Variants in ZNF587B observed in about 807,000 individuals in gnomAD.
The protein encoded by ZNF587B is zinc finger protein 587B.
Under a neutral mutation model 7.2 loss-of-function variants are expected in ZNF587B, and 6 were observed. The ratio of observed to expected loss-of-function variants is 0.83; its 90% CI spans 0.46 to 1.65. ZNF587B has a LOEUF of 1.65. Among genes scored for constraint, ZNF587B ranks in the 40% most tolerant of loss-of-function variants. The pLI is 0.01. For synonymous variants in ZNF587B, 274 were observed against 254.3 expected (o/e 1.08, Z -0.74); for missense variants, 749 against 761.0 (o/e 0.98, Z 0.19).
intron 1 of ZNF587B, among the ~76,000 whole-genome samples, chr19:57,836,157 G>A (rs1162483982): frequency 9.4e-4 from 142 of 150,266 alleles, no homozygotes; most frequent in African/African-American, 3.3e-3. Flanking sequence ...AGAAGTAATT[G>A]AGGGAAAGGT....
rs1301225955 is a variant in ZNF587B, at chr19:57,843,718, C to T, written c.*1142C>T. Reference sequence around the variant, plus strand: ...CTGAGTTCAAGCAATTCTCCTTTCTCAGCCTCCTGAGTAGCTGGGATTACA... The same window carrying T: ...CTGAGTTCAAGCAATTCTCCTTTCTTAGCCTCCTGAGTAGCTGGGATTACA... On this transcript the variant is annotated 3_prime_UTR_variant, in exon 3 of 3. Coordinates refer to ENST00000594901, the MANE Select transcript of ZNF587B (RefSeq NM_001376223.1). 4 of 380,046 alleles carry T rather than the reference C, an allele frequency of 1.1e-5. No individual in the cohort carries two copies. In the South Asian group the frequency reaches 3.3e-4, roughly 31 times the overall value. 23.5% of individuals were successfully genotyped at this position (380,046 alleles called of 1,614,324 possible). A position where few individuals can be genotyped will look rare whatever the true frequency, so the allele number is the denominator to read the frequency against.
intron 1 of ZNF587B, among the ~76,000 whole-genome samples, chr19:57,836,663 T>A (rs1478980693): frequency 2.0e-5 from 3 of 152,066 alleles, no homozygotes; most frequent in Non-Finnish European, 2.9e-5. Context: ...GCCACTTCAC[T>A]CTCTTAAGTA....
intron 1 of ZNF587B, 46 bp downstream of exon 1, chr19:57,830,610 C>T (rs56386189): frequency 3.2e-6 from 5 of 1,544,366 alleles, no homozygotes; most frequent in Non-Finnish European, 4.4e-6. Flanking sequence ...CATCATCACC[C>T]AAAAGCCTGT....
At position 57,842,491 on chromosome 19, in the gene ZNF587B, A is replaced by T; in HGVS notation, c.1817A>T (p.Tyr606Phe). Residue 606 changes from tyrosine to phenylalanine, a missense_variant, in exon 3 of 3, where the codon TAT (tyrosine) becomes TTT (phenylalanine). Coordinates refer to ENST00000594901, the MANE Select transcript of ZNF587B (RefSeq NM_001376223.1). ...AGAGTTCACACTGGAGAAAAGCCTT[A>T]TGGGTGTAGTGAATGTGAAAAAAAA... The part of the protein sequence containing the change: ...HRRVHTGEKP[Y>F]GCSECEKKFR... The T allele has an allele frequency of 6.3e-7, 1 of 1,584,776 alleles. No homozygotes were observed. Among genetic ancestry groups the T allele is most frequent in the African/African-American group, 1.4e-5 (1 of 73,548 alleles).
At position 57,841,642 on chromosome 19, in the gene ZNF587B, A is replaced by G. The variant is rs534406760; in HGVS notation, c.968A>G (p.Lys323Arg). 32 of 1,600,398 alleles carry G rather than the reference A, an allele frequency of 2.0e-5. No homozygotes were observed. The highest frequency in any genetic ancestry group is 2.6e-5 in the Non-Finnish European group (30 of 1,173,442). The change falls in exon 3 of 3, where the codon AAA becomes AGA. Residue 323 changes from lysine to arginine, a missense_variant. Physicochemically the swap from Lys to Arg is conservative, Grantham distance 26. Around this residue, in one of 3 missense-constraint regions of ZNF587B, gnomAD observed 656 missense variants for 596.5 expected, o/e 1.10. Transcript: ENST00000594901. ...CGCCATCAAAAAGTTCACGCTGGAA[A>G]AGGGCCTTATGAGTGTGGAGAATGT... ...LRRHQKVHAG[K>R]GPYECGECGK...
rs1989037396 is a variant in ZNF587B at position 57,845,883 on chromosome 19, G to C, written c.*3307G>C. On this transcript the variant is annotated 3_prime_UTR_variant, in exon 3 of 3. Transcript: ENST00000594901. ...TTAGTCTTAGTGATGTGGGAGGATT[G>C]CTTGAGCCTGGGAGGCAGAAGTTGC... 6.6e-6 allele frequency: 1 copy of C among 152,156 alleles called. No homozygotes were observed. The highest frequency in any genetic ancestry group is 1.5e-5 in the Non-Finnish European group (1 of 68,038). The allele number at this position is 152,156 out of a possible 1,614,324, so 9.4% of individuals were successfully genotyped here. A position where few individuals can be genotyped will look rare whatever the true frequency, so the allele number is the denominator to read the frequency against.
intron 1 of ZNF587B, among the ~76,000 whole-genome samples, chr19:57,837,509 T>C (rs1369642505): frequency 1.3e-5 from 2 of 150,506 alleles, no homozygotes; most frequent in African/African-American, 2.4e-5. Flanking sequence ...AGTGCAGTGG[T>C]GCTATTTCGG....
rs771371494 is a variant in ZNF587B at position 57,843,600 on chromosome 19, G to GTTTTTTTT, written c.*1037_*1044dup. ...GTTGGTTGGTTGGTTGTTTTTTTTT[G>GTTTTTTTT]TTTTTTTTTTTTTTTTTTTTGGAGA... On this transcript the variant is annotated 3_prime_UTR_variant, in exon 3 of 3. Transcript: ENST00000594901. 35 of 648,784 alleles carry GTTTTTTTT rather than the reference G, an allele frequency of 5.4e-5. No individual in the cohort carries two copies. Among genetic ancestry groups the GTTTTTTTT allele is most frequent in the African/African-American group, 3.9e-4 (10 of 25,462 alleles). The allele number at this position is 648,784 out of a possible 1,614,324, so 40.2% of individuals were successfully genotyped here.
chr19:57,841,220 G>C lies in ZNF587B; in HGVS notation c.546G>C (p.Arg182Ser), dbSNP rs1988827928. The change falls in exon 3 of 3, where the codon AGG becomes AGC. Residue 182 changes from arginine to serine, a missense_variant. Arg to Ser is a moderately radical substitution (Grantham distance 110). Around this residue, in one of 3 missense-constraint regions of ZNF587B, gnomAD observed 656 missense variants for 596.5 expected, o/e 1.10. Coordinates refer to ENST00000594901, the MANE Select transcript of ZNF587B (RefSeq NM_001376223.1). ...AGAGTGGGAAGGACTTTTTGCCCAG[G>C]TCAGGATTACTCCAGCAGGAGGCCA... ...FSESGKDFLPRSGLLQQEASH... is the reference protein window; with the variant it reads ...FSESGKDFLPSSGLLQQEASH... 3.1e-6 allele frequency: 5 copies of C among 1,614,174 alleles called. No homozygotes were observed. Among genetic ancestry groups the C allele is most frequent in the Non-Finnish European group, 4.2e-6 (5 of 1,180,030 alleles).
chr19:57,843,587 G>GTTTTTTTTT lies in ZNF587B; in HGVS notation c.*1013_*1014insTTTTTTTTT, dbSNP rs1324065807. On this transcript the variant is annotated 3_prime_UTR_variant, in exon 3 of 3. Transcript: ENST00000594901. ...GTTTGGTTGGTTGGTTGGTTGGTTG[G>GTTTTTTTTT]TTGTTTTTTTTTGTTTTTTTTTTTT... The GTTTTTTTTT allele has an allele frequency of 9.1e-4, 688 of 759,118 alleles. 57 individuals carry two copies. The highest frequency in any genetic ancestry group is 4.2e-3 in the East Asian group (27 of 6,394). The allele number at this position is 759,118 out of a possible 1,614,324, so 47.0% of individuals were successfully genotyped here.
Position 57,843,407 on chromosome 19 carries a change from C to G in ZNF587B, c.*831C>G, listed in dbSNP as rs1220047206. On this transcript the variant is annotated 3_prime_UTR_variant, in exon 3 of 3. Coordinates refer to ENST00000594901, the MANE Select transcript of ZNF587B (RefSeq NM_001376223.1). ...TATATTTTTTACTATGCCCTGTTAT[C>G]TTGCTAGACTTATGTGACTGCCACT... 1 of 985,246 alleles carries G rather than the reference C, an allele frequency of 1.0e-6. No homozygotes were observed. The highest frequency in any genetic ancestry group is 1.7e-5 in the African/African-American group (1 of 57,226). 61.0% of individuals were successfully genotyped at this position (985,246 alleles called of 1,614,324 possible).
rs138980053 is a variant in ZNF587B at position 57,842,142 on chromosome 19, G to A, written c.1468G>A (p.Gly490Arg). ...HLLVHQRIHS[G>R]EKPYACEACQ... ...CCTTGTACACCAGAGAATTCACAGT[G>A]GAGAGAAGCCATATGCTTGTGAGGC... The change falls in exon 3 of 3, where the codon GGA (glycine) becomes AGA (arginine). Residue 490 changes from glycine (G) to arginine (R), a missense_variant. Gly to Arg is a moderately radical substitution (Grantham distance 125). Coordinates refer to ENST00000594901, the MANE Select transcript of ZNF587B (RefSeq NM_001376223.1). 6.2e-7 allele frequency: 1 copy of A among 1,612,188 alleles called. No homozygotes were observed. The highest frequency in any genetic ancestry group is 2.2e-5 in the East Asian group (1 of 44,818).
rs2122258437 is a variant in ZNF587B, at chr19:57,843,484, A to G, written c.*908A>G. 1.0e-6 allele frequency: 1 copy of G among 984,886 alleles called. No individual in the cohort carries two copies. Among genetic ancestry groups the G allele is most frequent in the Non-Finnish European group, 1.2e-6 (1 of 829,882 alleles). 61.0% of individuals were successfully genotyped at this position (984,886 alleles called of 1,614,324 possible). A position where few individuals can be genotyped will look rare whatever the true frequency, so the allele number is the denominator to read the frequency against. On this transcript the variant is annotated 3_prime_UTR_variant, in exon 3 of 3. Coordinates refer to ENST00000594901, the MANE Select transcript of ZNF587B (RefSeq NM_001376223.1). ...GCTACTTGGTAGGTACCCACATTGCATCATTCACCTATTTCGTATTCTAGA... is the reference window on the plus strand; with the variant it reads ...GCTACTTGGTAGGTACCCACATTGCGTCATTCACCTATTTCGTATTCTAGA...
rs113426784 is a variant in ZNF587B, at chr19:57,843,231, A to G, written c.*655A>G. Reference sequence around the variant, plus strand: ...GGTATCGAACTCCTGAGCTCAAGCAATCTGTACACCTCAGCCTCCCAAAGT... The same window carrying G: ...GGTATCGAACTCCTGAGCTCAAGCAGTCTGTACACCTCAGCCTCCCAAAGT... On this transcript the variant is annotated 3_prime_UTR_variant, in exon 3 of 3. Transcript: ENST00000594901. 2,575 of 925,136 alleles carry G rather than the reference A, an allele frequency of 2.8e-3. 7 individuals carry two copies. Among genetic ancestry groups the G allele is most frequent in the Middle Eastern group, 5.6e-3 (10 of 1,798 alleles). 57.3% of individuals were successfully genotyped at this position (925,136 alleles called of 1,614,324 possible).
intron 1 of ZNF587B, among the ~76,000 whole-genome samples, chr19:57,837,098 T>C (rs1352879758): frequency 6.6e-6 from 1 of 152,002 alleles, no homozygotes; most frequent in African/African-American, 2.4e-5. Context: ...TTCAAATAAG[T>C]CAATGGCATC....
At position 57,841,081 on chromosome 19, in the gene ZNF587B, A is replaced by G; in HGVS notation, c.407A>G (p.His136Arg). The change falls in exon 3 of 3, where the codon CAT becomes CGT. Residue 136 changes from histidine (H) to arginine (R), a missense_variant. His to Arg is a conservative substitution (Grantham distance 29). Around this residue, in one of 3 missense-constraint regions of ZNF587B, gnomAD observed 656 missense variants for 596.5 expected, o/e 1.10. Transcript: ENST00000594901. ...GNKLYDSGNF[H>R]QHQNEHIGEK... ...AAATTGTATGACAGTGGAAACTTTCATCAGCACCAGAATGAGCACATTGGA... is the reference window on the plus strand; with the variant it reads ...AAATTGTATGACAGTGGAAACTTTCGTCAGCACCAGAATGAGCACATTGGA... 1 of 1,614,006 alleles carries G rather than the reference A, an allele frequency of 6.2e-7. No individual in the cohort carries two copies. The highest frequency in any genetic ancestry group is 8.5e-7 in the Non-Finnish European group (1 of 1,180,016).
In ZNF587B at chr19:57,842,310, G is replaced by T; in HGVS notation, c.1636G>T (p.Gly546Cys). ...AFIVHKRVHT[G>C]QKPYECSECG... ...CATTGTTCATAAGAGAGTTCACACT[G>T]GTCAGAAGCCTTATGAGTGCAGTGA... Residue 546 changes from glycine (G) to cysteine (C), a missense_variant, in exon 3 of 3, where the codon GGT (glycine) becomes TGT (cysteine). Physicochemically the swap from Gly to Cys is radical, Grantham distance 159 (BLOSUM62 -3). Coordinates refer to ENST00000594901, the MANE Select transcript of ZNF587B (RefSeq NM_001376223.1). The T allele has an allele frequency of 6.2e-7, 1 of 1,610,256 alleles. No individual in the cohort carries two copies. The highest frequency in any genetic ancestry group is 8.5e-7 in the Non-Finnish European group (1 of 1,178,290).
In ZNF587B at chr19:57,837,261, CT is replaced by C. The variant is rs112068491; in HGVS notation, c.37-1750del. On this transcript the variant is annotated intron_variant, in intron 1 of 2. Coordinates refer to ENST00000594901, the MANE Select transcript of ZNF587B (RefSeq NM_001376223.1). ...ATCAGGCTGTTAATATATGTGATAC[CT>C]TTTTTTTTTTTGAGGCACAATTTTG... Among the ~76,000 whole-genome samples the C allele has an allele frequency of 2.9e-3, 414 of 143,734 alleles. 2 individuals carry two copies. The highest frequency in any genetic ancestry group is 3.6e-3 in the Non-Finnish European group (236 of 65,008). The allele number at this position is 143,734 out of a possible 152,430, so 94.3% of individuals were successfully genotyped here. A position where few individuals can be genotyped will look rare whatever the true frequency, so the allele number is the denominator to read the frequency against.
intron 1 of ZNF587B, among the ~76,000 whole-genome samples, chr19:57,831,029 G>T (rs1304506639): frequency 6.6e-6 from 1 of 152,230 alleles, no homozygotes; most frequent in African/African-American, 2.4e-5. Flanking sequence ...AAGACTATTA[G>T]AAGGTGATAG....
Sources: gnomAD v4.1 joint callset for allele counts (sites outside exome capture counted in the v4.1 genomes callset) on GRCh38, gnomAD v4.1.1 for gene constraint, gnomAD v4.1.1 regional missense constraint, MANE v1.5 for transcripts, NCBI Gene and HGNC (gene_info 2026-07-23, HGNC 2026-07-21) for gene names.